Variants in RUNX1T1 observed in about 807,000 individuals in gnomAD.
RUNX1T1 encodes the protein RUNX1 partner transcriptional co-repressor 1.
In RUNX1T1, 4 loss-of-function variants were observed where a neutral mutation model predicts 62.8. The ratio of observed to expected loss-of-function variants is 0.06; its 90% CI spans 0.03 to 0.15. RUNX1T1 has a LOEUF of 0.15. RUNX1T1 is among the 10% of genes least tolerant of loss of function. RUNX1T1 has a pLI of 1.00. For missense variants in RUNX1T1, 508 were observed against 754.3 expected (o/e 0.67, Z 3.82); for synonymous variants, 291 against 286.0 (o/e 1.02, Z -0.18).
At chr8:91,987,701 C>T (rs1816860272) in intron 6 of RUNX1T1, among the ~76,000 whole-genome samples, 1 of 152,006 alleles carries the variant, frequency 6.6e-6, no homozygotes, top group Non-Finnish European at 1.5e-5. Flanking sequence ...AAGTGAGCAC[C>T]AATATTAATT....
At chr8:92,053,131 T>C (rs1355253834) in intron 1 of RUNX1T1, among the ~76,000 whole-genome samples, 1 of 152,094 alleles carries the variant, frequency 6.6e-6, no homozygotes, top group African/African-American at 2.4e-5. Context: ...ATTAAAATCA[T>C]TCAAATTTTT....
intron 2 of RUNX1T1, among the ~76,000 whole-genome samples, chr8:92,074,453 A>G (rs919184470): frequency 6.6e-6 from 1 of 152,138 alleles, no homozygotes; most frequent in African/African-American, 2.4e-5. Context: ...TGCATCTTAG[A>G]TATCTTTATC....
rs76816289 is a variant in RUNX1T1, at chr8:92,018,759, G to A, written c.8-1396C>T. Among the ~76,000 whole-genome samples the A allele has an allele frequency of 5.9e-3, 897 of 152,278 alleles. 5 individuals are homozygous for A. Among genetic ancestry groups the A allele is most frequent in the South Asian group, 1.0e-2 (48 of 4,820 alleles). On this transcript the variant is annotated intron_variant, in intron 1 of 10. Transcript: ENST00000396218. ...CAATAAAACACAACATTTAAAAGTT[G>A]AAATAATGTTGATATCACTTTAGGG...
chr8:92,014,833 C>A lies in RUNX1T1; in HGVS notation c.146-13G>T. 1.3e-6 allele frequency: 2 copies of A among 1,585,016 alleles called. No homozygotes were observed. Among genetic ancestry groups the A allele is most frequent in the Non-Finnish European group, 1.7e-6 (2 of 1,164,024 alleles). ...GTGCCATTAGTTACTGTCAAGAGCA[C>A]AAAATCAGAAGGAAGTCATAAACTT... is the stretch of plus-strand genomic sequence containing the variant. On this transcript the variant is annotated splice_polypyrimidine_tract_variant and intron_variant, in intron 2 of 10. Transcript: ENST00000396218.
chr8:92,046,728 T>A (rs1286537323), intron 1 of RUNX1T1, among the ~76,000 whole-genome samples: 1 of 152,158 alleles, frequency 6.6e-6, no homozygotes, highest in Non-Finnish European at 1.5e-5. Context: ...GTTTTGGGTA[T>A]CTTATATCTA....
intron 1 of RUNX1T1, among the ~76,000 whole-genome samples, chr8:92,059,495 A>G (rs1448101849): frequency 6.6e-6 from 1 of 152,218 alleles, no homozygotes; most frequent in African/African-American, 2.4e-5. Context: ...ATCAATTTTC[A>G]GCAAATAATA....
At chr8:92,095,502 A>T in intron 1 of RUNX1T1, 1 of 1,517,180 alleles carries the variant, frequency 6.6e-7, no homozygotes, top group Non-Finnish European at 8.8e-7. Flanking sequence ...CAGGAGGGAG[A>T]GGAGAGAAGC....
chr8:91,969,872 G>C (rs1168101213), intron 10 of RUNX1T1, among the ~76,000 whole-genome samples: 2 of 152,126 alleles, frequency 1.3e-5, no homozygotes, highest in Non-Finnish European at 2.9e-5. Context: ...TTTATCTAAA[G>C]TTACTCTGGG....
chr8:92,091,813 A>G (rs1837069436), intron 1 of RUNX1T1, among the ~76,000 whole-genome samples: 1 of 152,218 alleles, frequency 6.6e-6, no homozygotes, highest in African/African-American at 2.4e-5. Flanking sequence ...GGTTCCATAC[A>G]TGTAATCGCA....
chr8:92,014,759 G>A (rs1341431054), exon 3 of RUNX1T1: 3 of 1,613,804 alleles, frequency 1.9e-6, no homozygotes, highest in Non-Finnish European at 2.5e-6. Context: ...CATTGCTGAA[G>A]CCATTGGGTG....
chr8:91,961,138 A>G (rs1563600191), intron 10 of RUNX1T1, among the ~76,000 whole-genome samples: 1 of 152,012 alleles, frequency 6.6e-6, no homozygotes, highest in East Asian at 1.9e-4. Context: ...TGTTAAAACA[A>G]CCCCCTTTAC....
At chr8:92,075,763 G>A (rs942116856) in intron 2 of RUNX1T1, among the ~76,000 whole-genome samples, 1 of 151,892 alleles carries the variant, frequency 6.6e-6, no homozygotes, top group African/African-American at 2.4e-5. Flanking sequence ...TATCAAACAG[G>A]GTTCCCACCA....
At chr8:92,039,298 C>T (rs558887391) in intron 1 of RUNX1T1, among the ~76,000 whole-genome samples, 25 of 152,238 alleles carry the variant, frequency 1.6e-4, no homozygotes, top group African/African-American at 3.4e-4. Context: ...TGAGCCACCA[C>T]GCCTGGCCCA....
intron 1 of RUNX1T1, among the ~76,000 whole-genome samples, chr8:92,060,614 A>G (rs1164165851): frequency 6.8e-6 from 1 of 146,772 alleles, no homozygotes. Flanking sequence ...TTTAAGCAGT[A>G]GATGATATCA....
rs1162788404 is a variant in RUNX1T1 at position 91,959,470 on chromosome 8, ATGTGCGTGTGTGTGTGTG to A, written c.*754_*771del. ...TGTGTGTGTGTGTGTGTGTGTGTAT[ATGTGCGTGTGTGTGTGTG>A]TATATATATATATATATATATATAT... is the stretch of plus-strand genomic sequence containing the variant. On this transcript the variant is annotated 3_prime_UTR_variant, in exon 11 of 11. Coordinates refer to ENST00000396218, the Ensembl canonical transcript of RUNX1T1. 5.5e-4 allele frequency: 19 copies of A among 34,286 alleles called. 1 individual carries two copies. The highest frequency in any genetic ancestry group is 2.7e-3 in the African/African-American group (16 of 5,916). The allele number at this position is 34,286 out of a possible 1,614,324, so 2.1% of individuals were successfully genotyped here. A position where few individuals can be genotyped will look rare whatever the true frequency, so the allele number is the denominator to read the frequency against.
intron 3 of RUNX1T1, among the ~76,000 whole-genome samples, chr8:92,012,141 T>C (rs1822068338): frequency 6.6e-6 from 1 of 152,220 alleles, no homozygotes; most frequent in African/African-American, 2.4e-5. Context: ...TCAAAACATC[T>C]TCATATGAAA....
chr8:92,017,670 C>A, intron 1 of RUNX1T1: 1 of 1,243,590 alleles, frequency 8.0e-7, no homozygotes, highest in Non-Finnish European at 1.0e-6. Context: ...AAGCTGAAGC[C>A]AATGTTAGCA....
upstream of RUNX1T1, among the ~76,000 whole-genome samples, chr8:92,064,403 G>A (rs1832560830): frequency 6.6e-6 from 1 of 152,110 alleles, no homozygotes; most frequent in African/African-American, 2.4e-5. Context: ...ATCTTAGTTA[G>A]ATGTCACTTG....
chr8:91,998,186 T>A (rs1220252609), intron 5 of RUNX1T1, among the ~76,000 whole-genome samples: 1 of 152,230 alleles, frequency 6.6e-6, no homozygotes, highest in African/African-American at 2.4e-5. Context: ...GAGGTGACTT[T>A]AGATATGAAT....
Sources: gnomAD v4.1 joint callset for allele counts (sites outside exome capture counted in the v4.1 genomes callset) on GRCh38, gnomAD v4.1.1 for gene constraint, MANE v1.5 for transcripts, NCBI Gene and HGNC (gene_info 2026-07-23, HGNC 2026-07-21) for gene names.